TAFA5: variants seen among roughly 807,000 people sequenced by gnomAD.
The protein encoded by TAFA5 is chemokine-like protein TAFA-5.
TAFA5 carries 6 observed loss-of-function variants against 15.3 expected under a neutral mutation model. The ratio of observed to expected loss-of-function variants is 0.39; its 90% CI spans 0.21 to 0.77. TAFA5 has a LOEUF of 0.77. Among genes scored for constraint, TAFA5 ranks in the 30% least tolerant of loss-of-function variants. TAFA5 has a pLI of 0.41. For synonymous variants in TAFA5, 103 were observed against 80.7 expected (o/e 1.28, Z -1.48); for missense variants, 161 against 193.1 (o/e 0.83, Z 0.98).
At chr22:48,537,703 T>C (rs964790764) in intron 1 of TAFA5, among the ~76,000 whole-genome samples, 2 of 152,114 alleles carry the variant, frequency 1.3e-5, no homozygotes, top group Admixed American at 1.3e-4. Flanking sequence ...CAGCTCTCCC[T>C]GGGGCCCTGG....
At chr22:48,531,352 C>T (rs928364553) in intron 1 of TAFA5, among the ~76,000 whole-genome samples, 3 of 152,216 alleles carry the variant, frequency 2.0e-5, no homozygotes, top group African/African-American at 7.2e-5. Context: ...GGGCACCGGC[C>T]TGCCTGTCCC....
chr22:48,585,639 A>G (rs969522368), intron 1 of TAFA5, among the ~76,000 whole-genome samples: 2 of 151,070 alleles, frequency 1.3e-5, no homozygotes, highest in African/African-American at 4.9e-5. Context: ...TAGACATCAC[A>G]CACACACTAT....
intron 1 of TAFA5, among the ~76,000 whole-genome samples, chr22:48,634,120 G>GCTCACTCACTCACTCACTCA (rs71194366): frequency 2.7e-5 from 4 of 150,856 alleles, no homozygotes; most frequent in South Asian, 2.1e-4. Flanking sequence ...TCACTCACTC[G>GCTCACTCACTCACTCACTCA]CTCACTCACT....
chr22:48,532,101 G>A (rs1395847224), intron 1 of TAFA5, among the ~76,000 whole-genome samples: 4 of 152,226 alleles, frequency 2.6e-5, no homozygotes, highest in African/African-American at 9.6e-5. Context: ...TCCTCCGGAC[G>A]AGGAACCCCT....
chr22:48,624,566 G>T (rs942433696), intron 1 of TAFA5, among the ~76,000 whole-genome samples: 1 of 152,144 alleles, frequency 6.6e-6, no homozygotes, highest in East Asian at 1.9e-4. Flanking sequence ...TTTAGGCTGC[G>T]ATCCAGGGCT....
chr22:48,542,304 T>G, intron 1 of TAFA5, among the ~76,000 whole-genome samples: 1 of 134,428 alleles, frequency 7.4e-6, no homozygotes, highest in Non-Finnish European at 1.6e-5. Flanking sequence ...GTGATGTGTG[T>G]GTAGTGTGTA....
chr22:48,626,560 G>A (rs1468910464), intron 1 of TAFA5, among the ~76,000 whole-genome samples: 1 of 152,168 alleles, frequency 6.6e-6, no homozygotes, highest in Non-Finnish European at 1.5e-5. Flanking sequence ...CAGCTTAAAG[G>A]TTTCCTTGTG....
intron 3 of TAFA5, among the ~76,000 whole-genome samples, chr22:48,716,828 A>G (rs3059774): frequency 0.063 from 9,526 of 152,266 alleles, 355 homozygotes; most frequent in Admixed American, 0.095. Flanking sequence ...AGCAGAGTGT[A>G]TTACAAACCC....
chr22:48,517,656 G>A (rs545717962), intron 1 of TAFA5, among the ~76,000 whole-genome samples: 40 of 152,260 alleles, frequency 2.6e-4, no homozygotes, highest in Non-Finnish European at 4.4e-4. Context: ...CTTGAATTGC[G>A]TCCTGGTGAC....
At chr22:48,528,140 G>A (rs1291501664) in intron 1 of TAFA5, among the ~76,000 whole-genome samples, 2 of 152,204 alleles carry the variant, frequency 1.3e-5, no homozygotes, top group South Asian at 2.1e-4. Flanking sequence ...TGGCGTCGAT[G>A]ATGCTGATTC....
intron 1 of TAFA5, among the ~76,000 whole-genome samples, chr22:48,622,633 C>T (rs1925880727): frequency 6.6e-6 from 1 of 152,212 alleles, no homozygotes; most frequent in Non-Finnish European, 1.5e-5. Context: ...CAAAGTTACA[C>T]CATGGAGGGA....
At chr22:48,576,685 T>G (rs1923820661) in intron 1 of TAFA5, 2 of 1,174,772 alleles carry the variant, frequency 1.7e-6, no homozygotes, top group Non-Finnish European at 2.1e-6. Flanking sequence ...CGGCTGAGGC[T>G]CGTGGAGCGC....
At chr22:48,681,043 G>A (rs1186427556) in intron 2 of TAFA5, among the ~76,000 whole-genome samples, 2 of 152,218 alleles carry the variant, frequency 1.3e-5, no homozygotes, top group Admixed American at 1.3e-4. Flanking sequence ...TTTGTTCTCC[G>A]GGGCCCTACC....
chr22:48,639,944 C>G lies in TAFA5; in HGVS notation c.113-6653C>G, dbSNP rs148928373. 1.9e-3 allele frequency among the ~76,000 whole-genome samples: 295 copies of G among 152,320 alleles called. 8 individuals are homozygous for G. In the East Asian group the frequency reaches 0.039, roughly 20 times the overall value. On this transcript the variant is annotated intron_variant, in intron 1 of 3. Coordinates refer to ENST00000402357, the MANE Select transcript of TAFA5 (RefSeq NM_001082967.3). ...GGCCCCAAATCGTGACCGCACCCCC[C>G]CAACCCCGCCGCCCAAGGCCTGTGG...
At chr22:48,659,007 C>A (rs1314917997) in intron 2 of TAFA5, among the ~76,000 whole-genome samples, 2 of 152,136 alleles carry the variant, frequency 1.3e-5, no homozygotes, top group African/African-American at 2.4e-5. Flanking sequence ...GGTGCGATTA[C>A]CGGGCAGGAC....
At chr22:48,691,808 G>C (rs948227694) in intron 2 of TAFA5, among the ~76,000 whole-genome samples, 7 of 152,230 alleles carry the variant, frequency 4.6e-5, no homozygotes, top group African/African-American at 1.7e-4. Context: ...TCGTGGGATG[G>C]CGAGGTGCTG....
At chr22:48,501,522 A>G (rs1350093444) in intron 1 of TAFA5, among the ~76,000 whole-genome samples, 3 of 152,050 alleles carry the variant, frequency 2.0e-5, no homozygotes, top group African/African-American at 7.2e-5. Context: ...GGGAAGGGGC[A>G]GTCGGGGGTG....
intron 1 of TAFA5, among the ~76,000 whole-genome samples, chr22:48,574,310 G>A (rs1053152971): frequency 6.6e-6 from 1 of 152,096 alleles, no homozygotes; most frequent in African/African-American, 2.4e-5. Flanking sequence ...AGGGTGATGA[G>A]CCAGAGGTGA....
At chr22:48,600,424 G>A (rs753082027) in intron 1 of TAFA5, among the ~76,000 whole-genome samples, 7 of 152,214 alleles carry the variant, frequency 4.6e-5, no homozygotes, top group African/African-American at 7.2e-5. Flanking sequence ...GAAGGGGCCC[G>A]AGGCAGCCCT....
Sources: gnomAD v4.1 joint callset for allele counts (sites outside exome capture counted in the v4.1 genomes callset) on GRCh38, gnomAD v4.1.1 for gene constraint, MANE v1.5 for transcripts, NCBI Gene and HGNC (gene_info 2026-07-23, HGNC 2026-07-21) for gene names.